The following SHLD1 variants were observed in gnomAD, a reference collection of about 807,000 sequenced individuals.
SHLD1 encodes RINN1-REV7-interacting novel NHEJ regulator 3.
SHLD1 carries 3 observed loss-of-function variants against 5.5 expected under a neutral mutation model. The ratio of observed to expected loss-of-function variants is 0.54; its 90% CI spans 0.25 to 1.40. The LOEUF is 1.40. SHLD1 is among the 40% of genes most tolerant of loss of function. SHLD1 has a pLI of 0.15. For synonymous variants in SHLD1, 92 were observed against 94.3 expected (o/e 0.98, Z 0.14); for missense variants, 210 against 244.4 (o/e 0.86, Z 0.94).
chr20:5,829,802 C>G (rs965345333), intron 2 of SHLD1, among the ~76,000 whole-genome samples: 6 of 152,032 alleles, frequency 3.9e-5, no homozygotes, highest in Non-Finnish European at 8.8e-5. Context: ...TGCTAGGCAG[C>G]TTGTCCTTTA....
At position 5,842,809 on chromosome 20, in the gene SHLD1, AT is replaced by A. The variant is rs568161944; in HGVS notation, c.179-20209del. On this transcript the variant is annotated intron_variant, in intron 2 of 2. Transcript: ENST00000303142. ...CTGAGGTATAAATACCTATTACTAT[AT>A]TTTTTCTTTTTCTGTAATTTAACAT... Among the ~76,000 whole-genome samples, 302 of 151,376 alleles carry A rather than the reference AT, an allele frequency of 2.0e-3. 2 individuals are homozygous for A. The highest frequency in any genetic ancestry group is 9.8e-3 in the South Asian group (47 of 4,794).
At chr20:5,795,455 T>TA in intron 2 of SHLD1, among the ~76,000 whole-genome samples, 1 of 151,606 alleles carries the variant, frequency 6.6e-6, no homozygotes, top group East Asian at 2.0e-4. Flanking sequence ...AAAAATTAGC[T>TA]GGATGTGGTG....
intron 2 of SHLD1, among the ~76,000 whole-genome samples, chr20:5,825,610 C>T (rs926363482): frequency 6.0e-4 from 92 of 152,358 alleles, no homozygotes; most frequent in African/African-American, 2.0e-3. Context: ...CACAGTGGCT[C>T]ATGCCTGTAA....
intron 2 of SHLD1, among the ~76,000 whole-genome samples, chr20:5,838,671 G>A (rs2087817719): frequency 6.6e-6 from 1 of 152,224 alleles, no homozygotes; most frequent in Non-Finnish European, 1.5e-5. Flanking sequence ...TGAGGCAGGA[G>A]AATTGTTTGA....
chr20:5,830,991 T>C (rs2087723042), intron 2 of SHLD1, among the ~76,000 whole-genome samples: 1 of 152,164 alleles, frequency 6.6e-6, no homozygotes, highest in African/African-American at 2.4e-5. Flanking sequence ...TATACGCACG[T>C]TATAATTTAA....
At chr20:5,824,217 G>A (rs2087640361) in intron 2 of SHLD1, among the ~76,000 whole-genome samples, 1 of 152,268 alleles carries the variant, frequency 6.6e-6, no homozygotes, top group East Asian at 1.9e-4. Flanking sequence ...TTTTGCACTT[G>A]CTGGTCCCTT....
At chr20:5,829,853 C>A (rs897856570) in intron 2 of SHLD1, among the ~76,000 whole-genome samples, 1 of 148,012 alleles carries the variant, frequency 6.8e-6, no homozygotes, top group African/African-American at 2.5e-5. Flanking sequence ...TTTATTCTAC[C>A]CTTCTTGGTT....
chr20:5,767,647 A>G (rs1568492018), intron 1 of SHLD1, among the ~76,000 whole-genome samples: 1 of 152,300 alleles, frequency 6.6e-6, no homozygotes, highest in South Asian at 2.1e-4. Flanking sequence ...CCAGCTGTCA[A>G]ATCTGCAGAT....
chr20:5,859,125 C>T (rs1222023004), intron 2 of SHLD1, among the ~76,000 whole-genome samples: 2 of 152,176 alleles, frequency 1.3e-5, no homozygotes, highest in Non-Finnish European at 1.5e-5. Flanking sequence ...ATGTGTAACT[C>T]GAATAGGTAC....
intron 2 of SHLD1, among the ~76,000 whole-genome samples, chr20:5,817,723 T>C (rs2087555709): frequency 1.6e-5 from 2 of 128,042 alleles, no homozygotes; most frequent in African/African-American, 5.3e-5. Context: ...TATGACTTAG[T>C]GTTCACTGTG....
At chr20:5,812,464 A>G (rs1054160016) in intron 2 of SHLD1, among the ~76,000 whole-genome samples, 2 of 152,246 alleles carry the variant, frequency 1.3e-5, no homozygotes, top group Admixed American at 6.5e-5. Flanking sequence ...ATGTAACTTT[A>G]GAGTCCTTCT....
At chr20:5,833,646 A>G (rs1223643592) in intron 2 of SHLD1, among the ~76,000 whole-genome samples, 1 of 151,902 alleles carries the variant, frequency 6.6e-6, no homozygotes, top group Non-Finnish European at 1.5e-5. Flanking sequence ...ACAGGGAGAA[A>G]CAGAGAGAGA....
intron 2 of SHLD1, among the ~76,000 whole-genome samples, chr20:5,859,770 T>C (rs1568535192): frequency 6.6e-6 from 1 of 152,324 alleles, no homozygotes; most frequent in East Asian, 1.9e-4. Context: ...TCAACCCGTA[T>C]GTCATTGGTC....
intron 2 of SHLD1, among the ~76,000 whole-genome samples, chr20:5,781,679 A>C (rs2086991488): frequency 6.6e-6 from 1 of 151,994 alleles, no homozygotes; most frequent in Non-Finnish European, 1.5e-5. Context: ...GGGTTTCACC[A>C]TGTTGGCCAG....
chr20:5,750,499 G>GGGGC lies in SHLD1; in HGVS notation c.-5+23_-5+24insCGGG, dbSNP rs1555766050. Reference sequence around the variant, plus strand: ...GGAGAGGTAAGCGCGGGATGGGATGGGGGGGGGTTGGAGTGGTGGGGGCGG... The same window carrying GGGGC: ...GGAGAGGTAAGCGCGGGATGGGATGGGGGCGGGGGGGTTGGAGTGGTGGGGGCGG... On this transcript the variant is annotated intron_variant, in intron 1 of 2. Transcript: ENST00000303142. 2.9e-5 allele frequency: 4 copies of GGGGC among 137,232 alleles called. No homozygotes were observed. The highest frequency in any genetic ancestry group is 8.0e-5 in the African/African-American group (3 of 37,630). 8.5% of individuals were successfully genotyped at this position (137,232 alleles called of 1,614,324 possible).
At chr20:5,815,767 T>C (rs2087522140) in intron 2 of SHLD1, among the ~76,000 whole-genome samples, 2 of 152,160 alleles carry the variant, frequency 1.3e-5, no homozygotes, top group Admixed American at 1.3e-4. Context: ...ATTCCCATAC[T>C]TAGGAATTTG....
At chr20:5,792,036 A>G (rs1234737196) in intron 2 of SHLD1, among the ~76,000 whole-genome samples, 1 of 152,148 alleles carries the variant, frequency 6.6e-6, no homozygotes, top group African/African-American at 2.4e-5. Flanking sequence ...TCCTTTGCCT[A>G]TTTTTAAAAT....
chr20:5,765,651 A>G (rs753530469), intron 1 of SHLD1, among the ~76,000 whole-genome samples: 1 of 151,728 alleles, frequency 6.6e-6, no homozygotes, highest in African/African-American at 2.4e-5. Flanking sequence ...ATTACATTCT[A>G]CTTGCTGGCC....
At chr20:5,809,972 T>C (rs2087435694) in intron 2 of SHLD1, among the ~76,000 whole-genome samples, 1 of 151,996 alleles carries the variant, frequency 6.6e-6, no homozygotes, top group Non-Finnish European at 1.5e-5. Flanking sequence ...AAAATTGGAT[T>C]GTTCGGCCAG....
Sources: allele counts gnomAD v4.1 joint callset (sites outside exome capture counted in the v4.1 genomes callset), GRCh38; gene constraint gnomAD v4.1.1; transcripts MANE v1.5; gene names NCBI Gene and HGNC (gene_info 2026-07-23, HGNC 2026-07-21).